NEK6: variants seen among roughly 807,000 people sequenced by gnomAD.
NEK6 encodes the protein NIMA related kinase 6, also known as serine/threonine-protein kinase Nek6.
In NEK6, 27 loss-of-function variants were observed where a neutral mutation model predicts 43.5. The ratio of observed to expected loss-of-function variants is 0.62; its 90% CI spans 0.46 to 0.86. NEK6 has a LOEUF of 0.86. NEK6 is among the 40% of genes least tolerant of loss of function. NEK6 has a pLI of 0.00. For missense variants in NEK6, 318 were observed against 414.4 expected (o/e 0.77, Z 2.02); for synonymous variants, 167 against 164.1 (o/e 1.02, Z -0.14).
chr9:124,343,246 G>T lies in NEK6; in HGVS notation c.717+3581G>T, dbSNP rs1467194785. On this transcript the variant is annotated intron_variant, in intron 8 of 9. Coordinates refer to ENST00000320246, the MANE Select transcript of NEK6 (RefSeq NM_014397.6). The surrounding 1 kb of genome is among the most constrained non-coding windows in gnomAD (Gnocchi z 5.1). ...ACAGCCGGGGGGCGGTGAGGGGACG[G>T]ATCGCAGCCGGGGGGTGGTACGGGG... Among the ~76,000 whole-genome samples the T allele has an allele frequency of 6.9e-6, 1 of 144,516 alleles. No homozygotes were observed. The allele number at this position is 144,516 out of a possible 152,430, so 94.8% of individuals were successfully genotyped here.
At chr9:124,311,793 G>A (rs1339926330) in intron 2 of NEK6, among the ~76,000 whole-genome samples, 6 of 152,182 alleles carry the variant, frequency 3.9e-5, no homozygotes, top group African/African-American at 7.2e-5. Context: ...GGGTTCAAGC[G>A]ATTCTCATGC....
chr9:124,345,744 C>T (rs1457991233), intron 8 of NEK6, among the ~76,000 whole-genome samples: 2 of 152,240 alleles, frequency 1.3e-5, no homozygotes, highest in African/African-American at 4.8e-5. Flanking sequence ...CCACCTTAAT[C>T]CTCCAGCTGC....
At chr9:124,337,895 C>T (rs778568565) in intron 7 of NEK6, among the ~76,000 whole-genome samples, 4 of 152,210 alleles carry the variant, frequency 2.6e-5, no homozygotes, top group African/African-American at 4.8e-5. Flanking sequence ...CACACATCAT[C>T]GACCTTGTTT....
intron 7 of NEK6, among the ~76,000 whole-genome samples, chr9:124,330,234 C>T (rs1343263591): frequency 6.6e-6 from 1 of 152,178 alleles, no homozygotes; most frequent in African/African-American, 2.4e-5. Context: ...ACAGAATGAG[C>T]GTCAGACGAA....
chr9:124,333,773 CTTTTTT>C (rs148074227), intron 7 of NEK6, among the ~76,000 whole-genome samples: 1 of 120,018 alleles, frequency 8.3e-6, no homozygotes, highest in Non-Finnish European at 1.7e-5. Flanking sequence ...CATTTCAGTC[CTTTTTT>C]TTTTTTTTTT....
intron 7 of NEK6, among the ~76,000 whole-genome samples, chr9:124,331,572 C>T (rs1161491121): frequency 6.6e-6 from 1 of 152,312 alleles, no homozygotes; most frequent in Admixed American, 6.5e-5. Context: ...CTGAGCGCTC[C>T]ATCCCTGAGG....
At chr9:124,279,938 C>T (rs913364767) in intron 1 of NEK6, among the ~76,000 whole-genome samples, 2 of 152,274 alleles carry the variant, frequency 1.3e-5, no homozygotes, top group African/African-American at 2.4e-5. Context: ...CACATGGCTT[C>T]ACAAGCTTCT....
chr9:124,345,022 C>T (rs1248289283), intron 8 of NEK6, among the ~76,000 whole-genome samples: 1 of 152,188 alleles, frequency 6.6e-6, no homozygotes, highest in East Asian at 1.9e-4. Flanking sequence ...AGTCAGATTC[C>T]CCTTGTCCCT....
chr9:124,261,106 C>G (rs1030855565), intron 1 of NEK6: 2 of 152,252 alleles, frequency 1.3e-5, no homozygotes, highest in Admixed American at 1.3e-4. Context: ...TAAACCACAT[C>G]TGGCTGCCTT....
chr9:124,278,504 G>A (rs1831743307), intron 1 of NEK6, among the ~76,000 whole-genome samples: 1 of 152,158 alleles, frequency 6.6e-6, no homozygotes, highest in Non-Finnish European at 1.5e-5. Context: ...TAGCCCACAA[G>A]CCCTCACCCC....
chr9:124,292,594 T>A, intron 1 of NEK6: 1 of 1,534,068 alleles, frequency 6.5e-7, no homozygotes, highest in Non-Finnish European at 8.7e-7. Flanking sequence ...TTCCACTTGG[T>A]CCTTCTTCCA....
intron 3 of NEK6, among the ~76,000 whole-genome samples, chr9:124,313,346 C>T (rs1294016210): frequency 6.6e-5 from 10 of 151,300 alleles, no homozygotes. Context: ...TCCTCTCTGT[C>T]CAAAAAAGGA....
In NEK6 at chr9:124,326,515, C is replaced by A; in HGVS notation, c.514+77C>A. On this transcript the variant is annotated intron_variant, in intron 6 of 9. Transcript: ENST00000320246. The surrounding 1 kb of genome is among the most constrained non-coding windows in gnomAD (Gnocchi z 4.5). ...CACTTCCTCATGGCTCCTCCAGGGT[C>A]CTCAGGGGCAGCCCCTTGAGGAAGT... The A allele has an allele frequency of 1.8e-6, 2 of 1,094,564 alleles. No homozygotes were observed. The highest frequency in any genetic ancestry group is 1.2e-5 in the South Asian group (1 of 80,234). 67.8% of individuals were successfully genotyped at this position (1,094,564 alleles called of 1,614,324 possible).
chr9:124,338,759 A>T (rs1028362576), intron 7 of NEK6, among the ~76,000 whole-genome samples: 1 of 152,204 alleles, frequency 6.6e-6, no homozygotes, highest in African/African-American at 2.4e-5. Flanking sequence ...TCTGAGCCTC[A>T]GTTTCTCCAT....
rs115783758 is a variant in NEK6 at position 124,329,377 on chromosome 9, G to A, written c.622+1932G>A. ...TGCAGAAAAAAGACTGTGGCGCTCC[G>A]TCAGAGAGGGTTAGGATCGCATCAT... is the stretch of plus-strand genomic sequence containing the variant. On this transcript the variant is annotated intron_variant, in intron 7 of 9. Transcript: ENST00000320246. Among the ~76,000 whole-genome samples, 210 of 152,332 alleles carry A rather than the reference G, an allele frequency of 1.4e-3. 2 individuals are homozygous for A. The highest frequency in any genetic ancestry group is 4.8e-3 in the African/African-American group (200 of 41,568).
intron 1 of NEK6, among the ~76,000 whole-genome samples, chr9:124,262,329 AGACAGAGGAGCC>A (rs1831064461): frequency 6.6e-6 from 1 of 152,242 alleles, no homozygotes; most frequent in Non-Finnish European, 1.5e-5. Context: ...CTCGACTTCC[AGACAGAGGAGCC>A]GACATTGGGG....
rs1217059384 is a variant in NEK6 at position 124,257,992 on chromosome 9, G to C, written c.-123G>C. 2.0e-6 allele frequency: 2 copies of C among 978,834 alleles called. No individual in the cohort carries two copies. The allele number at this position is 978,834 out of a possible 1,614,324, so 60.6% of individuals were successfully genotyped here. A position where few individuals can be genotyped will look rare whatever the true frequency, so the allele number is the denominator to read the frequency against. Reference sequence around the variant, plus strand: ...GAACCGAGCTGACGGGCGTGCGGCCGCTGCGCCGCAAACTCGTGTGGGACG... The same window carrying C: ...GAACCGAGCTGACGGGCGTGCGGCCCCTGCGCCGCAAACTCGTGTGGGACG... On this transcript the variant is annotated 5_prime_UTR_variant, in exon 1 of 10. Transcript: ENST00000320246.
At chr9:124,301,492 G>A (rs1205580647) in intron 1 of NEK6, among the ~76,000 whole-genome samples, 2 of 152,200 alleles carry the variant, frequency 1.3e-5, no homozygotes, top group Admixed American at 6.5e-5. Context: ...TCTGCAGCCT[G>A]ACCCAGGCCT....
At chr9:124,316,955 G>A (rs143750759) in intron 4 of NEK6, among the ~76,000 whole-genome samples, 6 of 152,320 alleles carry the variant, frequency 3.9e-5, no homozygotes, top group African/African-American at 1.4e-4. Context: ...GCAGTTTTTG[G>A]GGAGTCCTCC....
Sources: gnomAD v4.1 joint callset for allele counts (sites outside exome capture counted in the v4.1 genomes callset) on GRCh38, gnomAD v4.1.1 for gene constraint, Gnocchi (gnomAD v3.1) non-coding constraint, MANE v1.5 for transcripts, NCBI Gene and HGNC (gene_info 2026-07-23, HGNC 2026-07-21) for gene names.